FAM184A: variants seen among roughly 807,000 people sequenced by gnomAD.
FAM184A encodes protein FAM184A.
FAM184A carries 99 observed loss-of-function variants against 143.8 expected under a neutral mutation model. That is an observed-to-expected ratio of 0.69 (90% confidence interval 0.58 to 0.81). The LOEUF (loss-of-function observed/expected upper bound fraction) is 0.81. Ranked by LOEUF, FAM184A falls within the 40% of genes least tolerant of loss-of-function variation. The probability of loss-of-function intolerance (pLI) is 0.00; values close to 1 mark genes in which losing one functional copy is unlikely to be tolerated. For synonymous variants in FAM184A, 427 were observed against 446.4 expected (o/e 0.96, Z 0.55); for missense variants, 1,217 against 1,310.5 (o/e 0.93, Z 1.10).
intron 14 of FAM184A, among the ~76,000 whole-genome samples, chr6:118,970,782 A>G (rs191264140): frequency 7.9e-5 from 12 of 152,346 alleles, no homozygotes; most frequent in Admixed American, 3.9e-4. Context: ...ATTACTAATT[A>G]GGGCCACTGA....
upstream of FAM184A, chr6:119,079,166 A>G (rs1295580871): frequency 1.3e-5 from 2 of 152,296 alleles, no homozygotes; most frequent in African/African-American, 4.8e-5. Context: ...CCTTCCTTCC[A>G]ATGGCACACA....
At chr6:119,043,542 A>G (rs1438319313) in intron 1 of FAM184A, among the ~76,000 whole-genome samples, 1 of 152,022 alleles carries the variant, frequency 6.6e-6, no homozygotes, top group African/African-American at 2.4e-5. Flanking sequence ...CAGGGAAAGC[A>G]CAAAAACTAC....
At chr6:119,128,125 A>C (rs915748199) in intron 1 of FAM184A, among the ~76,000 whole-genome samples, 1 of 151,942 alleles carries the variant, frequency 6.6e-6, no homozygotes, top group African/African-American at 2.4e-5. Context: ...CAGAGATCTT[A>C]AGACTGACAA....
intron 9 of FAM184A, among the ~76,000 whole-genome samples, chr6:118,998,957 A>C (rs118084293): frequency 2.6e-3 from 389 of 152,362 alleles, no homozygotes; most frequent in Non-Finnish European, 4.8e-3. Context: ...GTTAGAAAAT[A>C]ATCTGTAGGT....
chr6:119,089,006 G>C (rs952126135), intron 1 of FAM184A, among the ~76,000 whole-genome samples: 1 of 151,684 alleles, frequency 6.6e-6, no homozygotes, highest in Non-Finnish European at 1.5e-5. Context: ...ATGATCTTGA[G>C]TATTTCTTAT....
intron 9 of FAM184A, among the ~76,000 whole-genome samples, chr6:118,980,835 T>C (rs1583779494): frequency 6.6e-6 from 1 of 152,218 alleles, no homozygotes; most frequent in African/African-American, 2.4e-5. Context: ...TGTTACTACA[T>C]ATAGCTCACT....
chr6:119,049,850 A>G (rs1457932105), intron 1 of FAM184A, among the ~76,000 whole-genome samples: 4 of 152,224 alleles, frequency 2.6e-5, no homozygotes, highest in Non-Finnish European at 4.4e-5. Context: ...TAATTAAGCT[A>G]AAGAGCTTCT....
At chr6:118,963,546 C>CT (rs1470640128) in intron 16 of FAM184A, 3 of 152,044 alleles carry the variant, frequency 2.0e-5, no homozygotes, top group Admixed American at 6.6e-5. Context: ...GTTTGGAACA[C>CT]TTTAACTTGT....
intron 1 of FAM184A, among the ~76,000 whole-genome samples, chr6:119,141,691 G>T (rs1772241854): frequency 6.6e-6 from 1 of 151,858 alleles, no homozygotes; most frequent in African/African-American, 2.4e-5. Context: ...TGGCCAGGCT[G>T]GTCTTGAACT....
Position 118,960,043 on chromosome 6 carries a change from AT to A in FAM184A, c.*59del. 2 of 1,342,928 alleles carry A rather than the reference AT, an allele frequency of 1.5e-6. No homozygotes were observed. 83.2% of individuals were successfully genotyped at this position (1,342,928 alleles called of 1,614,324 possible). A position where few individuals can be genotyped will look rare whatever the true frequency, so the allele number is the denominator to read the frequency against. ...CATAGGAAAGCCTATTTACATAACA[AT>A]CTGTATAAAGTCATGCTCTTAGTAA... On this transcript the variant is annotated 3_prime_UTR_variant, in exon 18 of 18. Coordinates refer to ENST00000338891, the MANE Select transcript of FAM184A (RefSeq NM_024581.6).
chr6:119,053,339 C>G (rs1006637846), intron 1 of FAM184A, among the ~76,000 whole-genome samples: 8 of 152,176 alleles, frequency 5.3e-5, no homozygotes, highest in East Asian at 1.9e-4. Flanking sequence ...TCACATACCC[C>G]CCAGACAGTG....
chr6:119,124,070 C>T (rs1562159987), intron 1 of FAM184A, among the ~76,000 whole-genome samples: 1 of 152,256 alleles, frequency 6.6e-6, no homozygotes, highest in East Asian at 1.9e-4. Context: ...TTTGAAATTT[C>T]TCATTTTATT....
At chr6:119,107,600 A>G (rs1788819096) in intron 1 of FAM184A, among the ~76,000 whole-genome samples, 1 of 152,082 alleles carries the variant, frequency 6.6e-6, no homozygotes, top group Admixed American at 6.6e-5. Flanking sequence ...ATTTGTCTCT[A>G]ATAAAAAACC....
intron 9 of FAM184A, among the ~76,000 whole-genome samples, chr6:118,999,868 A>T (rs1053896969): frequency 3.9e-5 from 6 of 152,184 alleles, no homozygotes; most frequent in Non-Finnish European, 7.3e-5. Flanking sequence ...GCCAGCACCA[A>T]CACATCATTA....
intron 1 of FAM184A, among the ~76,000 whole-genome samples, chr6:119,084,922 A>T (rs1788176102): frequency 6.6e-6 from 1 of 152,232 alleles, no homozygotes; most frequent in Admixed American, 6.5e-5. Context: ...AACTGGAGAC[A>T]GAGCAGGGAG....
upstream of FAM184A, among the ~76,000 whole-genome samples, chr6:119,082,226 C>T (rs1250771547): frequency 6.6e-6 from 1 of 152,200 alleles, no homozygotes; most frequent in East Asian, 1.9e-4. Flanking sequence ...CACCTCCCAG[C>T]AGGTCCCTCC....
intron 1 of FAM184A, among the ~76,000 whole-genome samples, chr6:119,120,178 C>A (rs534081288): frequency 1.6e-4 from 25 of 152,334 alleles, no homozygotes; most frequent in South Asian, 4.1e-4. Flanking sequence ...TCATAATCCG[C>A]TTGTTCTTCC....
intron 9 of FAM184A, among the ~76,000 whole-genome samples, chr6:118,990,863 A>G (rs766097644): frequency 2.0e-5 from 3 of 152,000 alleles, no homozygotes; most frequent in Non-Finnish European, 4.4e-5. Flanking sequence ...GCACTCCAGC[A>G]TGGGTGACAG....
At position 119,118,330 on chromosome 6, in the gene FAM184A, A is replaced by G. The variant is rs1377979824; in HGVS notation, c.-202+30748T>C. Among the ~76,000 whole-genome samples, 5 of 152,224 alleles carry G rather than the reference A, an allele frequency of 3.3e-5. No homozygotes were observed. In the East Asian group the frequency reaches 9.6e-4, roughly 29 times the overall value. On this transcript the variant is annotated intron_variant, in intron 1 of 16. Coordinates refer to the FAM184A transcript ENST00000352896. Reference sequence around the variant, plus strand: ...AGTTGTTGTCAGTATTAAATAAGACAATATATATAAAGGGCTTAGAATAAT... The same window carrying G: ...AGTTGTTGTCAGTATTAAATAAGACGATATATATAAAGGGCTTAGAATAAT...
Sources: allele counts gnomAD v4.1 joint callset (sites outside exome capture counted in the v4.1 genomes callset), GRCh38; gene constraint gnomAD v4.1.1; transcripts MANE v1.5; gene names NCBI Gene and HGNC (gene_info 2026-07-23, HGNC 2026-07-21).